NR6A1: variants seen among roughly 807,000 people sequenced by gnomAD.
NR6A1 encodes retinoic acid receptor-related testis-associated receptor.
NR6A1 carries 7 observed loss-of-function variants against 59.1 expected under a neutral mutation model. The observed-to-expected ratio is 0.12, with a 90% CI of 0.07 to 0.22. NR6A1 has a LOEUF of 0.22. NR6A1 is among the 10% of genes least tolerant of loss of function. NR6A1 has a pLI of 1.00. For synonymous variants in NR6A1, 243 were observed against 236.1 expected, an observed-to-expected ratio of 1.03 and a Z score of -0.27; for missense variants, 468 against 611.6, an observed-to-expected ratio of 0.77 and a Z score of 2.48.
chr9:124,765,795 G>A (rs1391721228), intron 1 of NR6A1, among the ~76,000 whole-genome samples: 1 of 152,194 alleles, frequency 6.6e-6, no homozygotes, highest in Non-Finnish European at 1.5e-5. Flanking sequence ...AAAGGCTGCT[G>A]TTTAATAGCA....
intron 7 of NR6A1, among the ~76,000 whole-genome samples, chr9:124,530,682 G>A (rs1833075869): frequency 6.6e-6 from 1 of 152,136 alleles, no homozygotes; most frequent in African/African-American, 2.4e-5. Context: ...TGATCTAAAT[G>A]CACCTACCCC....
At chr9:124,620,474 C>T (rs963232452) in intron 2 of NR6A1, among the ~76,000 whole-genome samples, 1 of 152,190 alleles carries the variant, frequency 6.6e-6, no homozygotes, top group Non-Finnish European at 1.5e-5. Flanking sequence ...CATATCCATA[C>T]ACTGGAATAT....
chr9:124,687,291 A>ATTAATTAATTATTTATTTAT (rs59770058), intron 2 of NR6A1, among the ~76,000 whole-genome samples: 1,470 of 142,140 alleles, frequency 0.01, 28 homozygotes, highest in African/African-American at 0.033. Context: ...CAGCTAATTA[A>ATTAATTAATTATTTATTTAT]TTATTTATTT....
At chr9:124,598,797 C>T in intron 2 of NR6A1, 3 of 898,366 alleles carry the variant, frequency 3.3e-6, no homozygotes, top group East Asian at 2.8e-5. Flanking sequence ...GGCATGATCG[C>T]TTTTTTGCCG....
At chr9:124,540,423 C>G (rs1212770992) in intron 4 of NR6A1, among the ~76,000 whole-genome samples, 1 of 152,194 alleles carries the variant, frequency 6.6e-6, no homozygotes. Context: ...GCCGTGAAGC[C>G]TCAAGGTTCT....
intron 1 of NR6A1, among the ~76,000 whole-genome samples, chr9:124,769,798 G>C (rs551236527): frequency 6.6e-6 from 1 of 152,232 alleles, no homozygotes. Context: ...GCCGGTGCGA[G>C]CACCCTTTGT....
chr9:124,744,018 G>A lies in NR6A1; in HGVS notation c.101-10669C>T, dbSNP rs148743470. 6.9e-4 allele frequency among the ~76,000 whole-genome samples: 105 copies of A among 152,320 alleles called. 1 individual carries two copies. Among genetic ancestry groups the A allele is most frequent in the Middle Eastern group, 3.4e-3 (1 of 294 alleles). ...AAGGCAGGAGGATCCCTTGAGCTCA[G>A]GAATTGAAAACCAGCCTGGGCAATA... is the stretch of plus-strand genomic sequence containing the variant. On this transcript the variant is annotated intron_variant, in intron 1 of 9. Coordinates refer to ENST00000487099, the MANE Select transcript of NR6A1 (RefSeq NM_033334.4).
At chr9:124,634,407 A>G (rs951952566) in intron 2 of NR6A1, among the ~76,000 whole-genome samples, 4 of 152,228 alleles carry the variant, frequency 2.6e-5, no homozygotes, top group Non-Finnish European at 5.9e-5. Flanking sequence ...CCCCTTTTAA[A>G]AACACAATTC....
chr9:124,763,066 G>A (rs954737513), intron 1 of NR6A1, among the ~76,000 whole-genome samples: 2 of 152,218 alleles, frequency 1.3e-5, no homozygotes, highest in African/African-American at 4.8e-5. Flanking sequence ...AACAAAAGTA[G>A]CTGGCTCAGA....
At chr9:124,588,925 A>G (rs1295995588) in intron 2 of NR6A1, among the ~76,000 whole-genome samples, 1 of 140,096 alleles carries the variant, frequency 7.1e-6, no homozygotes, top group Non-Finnish European at 1.5e-5. Flanking sequence ...GTCTCAAAAA[A>G]AAAAAAAAGA....
At chr9:124,593,347 A>C (rs1564193797) in intron 2 of NR6A1, among the ~76,000 whole-genome samples, 1 of 152,216 alleles carries the variant, frequency 6.6e-6, no homozygotes, top group East Asian at 1.9e-4. Flanking sequence ...TAGTTTTTTC[A>C]TTCCCTTAAT....
At chr9:124,554,253 A>T in intron 3 of NR6A1, 75 bp downstream of exon 3, 2 of 1,602,244 alleles carry the variant, frequency 1.2e-6, no homozygotes, top group Non-Finnish European at 1.7e-6. Flanking sequence ...TTGAGGAATA[A>T]GTAACTAAAC....
At chr9:124,529,525 G>A (rs1049156089) in intron 7 of NR6A1, among the ~76,000 whole-genome samples, 2 of 152,208 alleles carry the variant, frequency 1.3e-5, no homozygotes, top group East Asian at 3.8e-4. Context: ...GGAAGTAAAT[G>A]GTAGTGGTGG....
intron 2 of NR6A1, among the ~76,000 whole-genome samples, chr9:124,583,335 A>ACT (rs1358842608): frequency 2.0e-5 from 3 of 152,244 alleles, no homozygotes; most frequent in Non-Finnish European, 4.4e-5. Context: ...ACAACCACTT[A>ACT]ACCGAGGCCT....
At chr9:124,752,682 G>A (rs1344743295) in intron 1 of NR6A1, among the ~76,000 whole-genome samples, 3 of 151,990 alleles carry the variant, frequency 2.0e-5, no homozygotes, top group Non-Finnish European at 4.4e-5. Flanking sequence ...CATTTATGTA[G>A]GGGTACAAGT....
At chr9:124,580,606 G>A (rs961061340) in intron 2 of NR6A1, among the ~76,000 whole-genome samples, 16 of 152,114 alleles carry the variant, frequency 1.1e-4, no homozygotes, top group African/African-American at 3.6e-4. Context: ...GATCACTTGA[G>A]GTCAGGGGTT....
intron 2 of NR6A1, among the ~76,000 whole-genome samples, chr9:124,721,988 T>A (rs1321547587): frequency 6.6e-6 from 1 of 152,218 alleles, no homozygotes; most frequent in African/African-American, 2.4e-5. Flanking sequence ...AAACAAATCT[T>A]ATGAATGCTT....
At chr9:124,571,053 T>C (rs1834423920) in intron 2 of NR6A1, among the ~76,000 whole-genome samples, 1 of 152,116 alleles carries the variant, frequency 6.6e-6, no homozygotes. Context: ...AATACTAAAC[T>C]AGCAAGAGAC....
intron 1 of NR6A1, among the ~76,000 whole-genome samples, chr9:124,750,969 A>G (rs187937550): frequency 6.3e-4 from 96 of 152,288 alleles, no homozygotes; most frequent in Non-Finnish European, 1.2e-3. Context: ...CTCTACCAGA[A>G]GCTAGTGCTC....
Sources: gnomAD v4.1 joint callset for allele counts (sites outside exome capture counted in the v4.1 genomes callset) on GRCh38, gnomAD v4.1.1 for gene constraint, MANE v1.5 for transcripts, NCBI Gene and HGNC (gene_info 2026-07-23, HGNC 2026-07-21) for gene names.